Variants in IPO7 observed in about 807,000 individuals in gnomAD.
The protein encoded by IPO7 is importin-7.
Under a neutral mutation model 136.4 loss-of-function variants are expected in IPO7, and 13 were observed. The observed-to-expected ratio is 0.10, with a 90% CI of 0.06 to 0.15. The LOEUF is 0.15. Among genes scored for constraint, IPO7 ranks in the 10% least tolerant of loss-of-function variants. IPO7 has a pLI of 1.00. For synonymous variants in IPO7, 403 were observed against 404.4 expected (o/e 1.00, Z 0.04); for missense variants, 857 against 1,240.6 (o/e 0.69, Z 4.65).
At position 9,423,803 on chromosome 11, in the gene IPO7, A is replaced by G. The variant is rs1161327025; in HGVS notation, c.1068A>G (p.Pro356=). 3 of 1,599,014 alleles carry G rather than the reference A, an allele frequency of 1.9e-6. No individual in the cohort carries two copies. The highest frequency in any genetic ancestry group is 1.1e-5 in the South Asian group (1 of 88,922). Reference sequence around the variant, plus strand: ...GCATTATCCAAGATGTTATTTTTCCATTGATGTGCTATACAGATGCTGATG... The same window carrying G: ...GCATTATCCAAGATGTTATTTTTCCGTTGATGTGCTATACAGATGCTGATG... ...IQGIIQDVIF[P]LMCYTDADEE... Residue 356 remains proline (P), a synonymous_variant, in exon 10 of 25, where the codon CCA becomes CCG. Coordinates refer to ENST00000379719, the MANE Select transcript of IPO7 (RefSeq NM_006391.3).
chr11:9,409,613 T>C (rs1031197978), intron 3 of IPO7, among the ~76,000 whole-genome samples: 1 of 151,852 alleles, frequency 6.6e-6, no homozygotes. Flanking sequence ...CCCTTGACCT[T>C]GTGATCTTCC....
chr11:9,434,500 T>G (rs546569939), intron 18 of IPO7, among the ~76,000 whole-genome samples: 1 of 152,348 alleles, frequency 6.6e-6, no homozygotes, highest in African/African-American at 2.4e-5. Flanking sequence ...GAATATGTTT[T>G]AATTAAAACT....
chr11:9,430,473 TA>T (rs1855278051), intron 15 of IPO7: 1 of 168,002 alleles, frequency 6.0e-6, no homozygotes, highest in African/African-American at 2.4e-5. Flanking sequence ...ATGCTCAAAA[TA>T]ATCGATTGAA....
intron 20 of IPO7, among the ~76,000 whole-genome samples, 171 bp downstream of exon 20, chr11:9,436,537 T>C (rs1393201009): frequency 6.6e-6 from 1 of 152,166 alleles, no homozygotes. Context: ...AATGATCATA[T>C]GTTTAATGTA....
chr11:9,426,276 C>T (rs981339341), intron 12 of IPO7, among the ~76,000 whole-genome samples: 7 of 152,086 alleles, frequency 4.6e-5, no homozygotes, highest in Non-Finnish European at 5.9e-5. Flanking sequence ...TCATATAATA[C>T]GTAGCTCTTT....
intron 16 of IPO7, among the ~76,000 whole-genome samples, chr11:9,432,230 C>T (rs1855304724): frequency 7.0e-6 from 1 of 143,520 alleles, no homozygotes; most frequent in African/African-American, 2.6e-5. Context: ...GAGACAGAGT[C>T]TCCCTTTGTT....
intron 5 of IPO7, among the ~76,000 whole-genome samples, chr11:9,415,340 A>G (rs1855025701): frequency 6.6e-6 from 1 of 151,880 alleles, no homozygotes; most frequent in Admixed American, 6.6e-5. Flanking sequence ...AAAAAGAATT[A>G]GTGAATCTGA....
At chr11:9,437,435 T>C (rs1855394580) in intron 20 of IPO7, among the ~76,000 whole-genome samples, 2 of 151,940 alleles carry the variant, frequency 1.3e-5, no homozygotes. Flanking sequence ...TTTGTATTTT[T>C]AGTAGAGACG....
chr11:9,394,538 A>G (rs1466720504), intron 1 of IPO7, among the ~76,000 whole-genome samples: 1 of 152,204 alleles, frequency 6.6e-6, no homozygotes, highest in Non-Finnish European at 1.5e-5. Context: ...CAGTGCTTCA[A>G]GAACTCATTT....
intron 12 of IPO7, among the ~76,000 whole-genome samples, chr11:9,427,731 C>T (rs954990521): frequency 4.6e-5 from 7 of 152,152 alleles, no homozygotes; most frequent in African/African-American, 1.7e-4. Context: ...GTGGTAATAC[C>T]TTACATAGGT....
At chr11:9,429,302 G>A in intron 14 of IPO7, 106 bp downstream of exon 14, 3 of 978,820 alleles carry the variant, frequency 3.1e-6, no homozygotes, top group Admixed American at 4.7e-5. Context: ...AGCGCTTGAA[G>A]CCAGGTGTTC....
At chr11:9,429,874 T>A (rs1855267990) in intron 15 of IPO7, 40 bp downstream of exon 15, 2 of 1,471,822 alleles carry the variant, frequency 1.4e-6, no homozygotes, top group Admixed American at 2.1e-5. Context: ...AGCATTTTAA[T>A]GTAGCTCTCA....
chr11:9,441,703 T>G (rs1186568850), intron 23 of IPO7, among the ~76,000 whole-genome samples: 1 of 152,236 alleles, frequency 6.6e-6, no homozygotes, highest in Admixed American at 6.5e-5. Flanking sequence ...ACGGGGCCCA[T>G]GTACCACAGT....
At chr11:9,441,174 C>A (rs1855455647) in intron 23 of IPO7, among the ~76,000 whole-genome samples, 1 of 152,144 alleles carries the variant, frequency 6.6e-6, no homozygotes, top group South Asian at 2.1e-4. Flanking sequence ...AAATTTTTAG[C>A]TTTAAACAAC....
At position 9,384,811 on chromosome 11, in the gene IPO7, A is replaced by C. The variant is rs746570944; in HGVS notation, c.48A>C (p.Pro16=). Residue 16 remains proline (P), a synonymous_variant, in exon 1 of 25, where the codon CCA becomes CCC. Transcript: ENST00000379719. ...AGGCCCTGCGGGGCACTATGGACCC[A>C]GCCCTGCGTGAGGCCGCGGAGCGCC... ...IIEALRGTMD[P]ALREAAERQL... 6.2e-7 allele frequency: 1 copy of C among 1,607,438 alleles called. No individual in the cohort carries two copies.
intron 1 of IPO7, among the ~76,000 whole-genome samples, chr11:9,399,868 T>C (rs1332971000): frequency 6.6e-6 from 1 of 152,182 alleles, no homozygotes; most frequent in Non-Finnish European, 1.5e-5. Flanking sequence ...CTCCCTTTCA[T>C]CCACCTAACT....
intron 16 of IPO7, among the ~76,000 whole-genome samples, chr11:9,431,487 G>GTCTCA (rs1855293600): frequency 6.7e-6 from 1 of 148,700 alleles, no homozygotes; most frequent in Non-Finnish European, 1.5e-5. Flanking sequence ...TTGAGATGGA[G>GTCTCA]TCTCACTCTG....
intron 23 of IPO7, 42 bp downstream of exon 23, chr11:9,440,703 A>G (rs1403208188): frequency 2.1e-6 from 3 of 1,417,058 alleles, no homozygotes; most frequent in Non-Finnish European, 3.0e-6. Flanking sequence ...CATTGAACAA[A>G]TCTGTTGTAG....
intron 24 of IPO7, among the ~76,000 whole-genome samples, chr11:9,443,672 A>G (rs542966864): frequency 3.6e-4 from 52 of 146,316 alleles, no homozygotes; most frequent in Non-Finnish European, 6.2e-4. Flanking sequence ...GGAGGCCAAG[A>G]CAGGAGGGTT....
Sources: allele counts gnomAD v4.1 joint callset (sites outside exome capture counted in the v4.1 genomes callset), GRCh38; gene constraint gnomAD v4.1.1; transcripts MANE v1.5; gene names NCBI Gene and HGNC (gene_info 2026-07-23, HGNC 2026-07-21).